SETD7: variants seen among roughly 807,000 people sequenced by gnomAD.
The protein encoded by SETD7 is SET domain containing 7, histone lysine methyltransferase.
A neutral mutation model predicts 41.8 loss-of-function variants in SETD7; 16 were observed. That is an observed-to-expected ratio of 0.38 (90% CI 0.26 to 0.58). The LOEUF (loss-of-function observed/expected upper bound fraction) is 0.58, where lower values mean the gene tolerates loss of function less well. SETD7 is among the 20% of genes least tolerant of loss of function. The probability of loss-of-function intolerance (pLI) is 0.64; values close to 1 mark genes in which losing one functional copy is unlikely to be tolerated. For missense variants in SETD7, 346 were observed against 459.7 expected (o/e 0.75, Z 2.26); for synonymous variants, 163 against 169.7 (o/e 0.96, Z 0.31).
At chr4:139,533,622 AG>A (rs1726096247) in intron 2 of SETD7, among the ~76,000 whole-genome samples, 1 of 152,206 alleles carries the variant, frequency 6.6e-6, no homozygotes, top group Non-Finnish European at 1.5e-5. Flanking sequence ...AAAATAGAGA[AG>A]AAAAAAGCTA....
At chr4:139,500,078 T>C (rs897756716) in intron 7 of SETD7, among the ~76,000 whole-genome samples, 1 of 152,264 alleles carries the variant, frequency 6.6e-6, no homozygotes, top group Non-Finnish European at 1.5e-5. Flanking sequence ...AATAAATGTA[T>C]GTGCTTTTTC....
downstream of SETD7, among the ~76,000 whole-genome samples, chr4:139,504,391 T>C (rs1726655191): frequency 6.6e-6 from 1 of 150,630 alleles, no homozygotes; most frequent in African/African-American, 2.5e-5. Context: ...TATCTGTCTA[T>C]CTATCTATCT....
rs772169687 is a variant in SETD7, at chr4:139,507,741, G to A, written c.*3922C>T. On this transcript the variant is annotated 3_prime_UTR_variant, in exon 8 of 8. Coordinates refer to ENST00000274031, the MANE Select transcript of SETD7 (RefSeq NM_030648.4). ...TTTTAAAATTAAAAAAAGTGACAAC[G>A]AGTTTCCAAATTCCTGAAGGGAAAG... 1.3e-5 allele frequency: 2 copies of A among 152,536 alleles called. No homozygotes were observed. Among genetic ancestry groups the A allele is most frequent in the African/African-American group, 4.8e-5 (2 of 41,422 alleles). 9.4% of individuals were successfully genotyped at this position (152,536 alleles called of 1,614,324 possible).
At chr4:139,504,458 G>GT (rs1302011534), downstream of SETD7, among the ~76,000 whole-genome samples, 1 of 151,402 alleles carries the variant, frequency 6.6e-6, no homozygotes, top group Non-Finnish European at 1.5e-5. Context: ...CCCCTTTTCT[G>GT]TTTTTCCTTT....
At chr4:139,493,644 A>T (rs1019317848), downstream of SETD7, among the ~76,000 whole-genome samples, 1 of 151,072 alleles carries the variant, frequency 6.6e-6, no homozygotes, top group African/African-American at 2.4e-5. Flanking sequence ...TGCTTAAGTG[A>T]TCCTCTCACC....
chr4:139,545,713 G>C (rs1308146651), intron 2 of SETD7, among the ~76,000 whole-genome samples: 2 of 152,150 alleles, frequency 1.3e-5, no homozygotes, highest in Non-Finnish European at 2.9e-5. Flanking sequence ...TTTGCCTGCA[G>C]AAAAGGGATT....
At chr4:139,529,241 C>A in intron 3 of SETD7, 21 bp from the exon 4 acceptor site, 1 of 1,588,332 alleles carries the variant, frequency 6.3e-7, no homozygotes, top group Middle Eastern at 1.7e-4. Flanking sequence ...AAACCAAAAA[C>A]CAGAAAATAT....
chr4:139,552,555 C>T (rs1222245915), intron 1 of SETD7, among the ~76,000 whole-genome samples: 1 of 152,158 alleles, frequency 6.6e-6, no homozygotes, highest in African/African-American at 2.4e-5. Context: ...CTAAAGAGCC[C>T]CCACGGCTTC....
chr4:139,524,182 C>A (rs953789585), intron 4 of SETD7, among the ~76,000 whole-genome samples: 1 of 152,206 alleles, frequency 6.6e-6, no homozygotes, highest in Non-Finnish European at 1.5e-5. Flanking sequence ...TTAAGCAATT[C>A]TTCAGTAGTT....
Position 139,509,783 on chromosome 4 carries a change from G to A in SETD7, c.*1880C>T. The stretch of plus-strand genomic sequence containing the variant: ...ACAGAGTAAGAGTGACCCTATCCTG[G>A]TGCCTTTAAATCTAAAAACTATTCA... On this transcript the variant is annotated 3_prime_UTR_variant, in exon 8 of 8. Transcript: ENST00000274031. The A allele has an allele frequency of 1.0e-6, 1 of 985,442 alleles. No homozygotes were observed. The highest frequency in any genetic ancestry group is 1.2e-6 in the Non-Finnish European group (1 of 829,960). 61.0% of individuals were successfully genotyped at this position (985,442 alleles called of 1,614,324 possible).
intron 2 of SETD7, 59 bp downstream of exon 2, chr4:139,546,861 G>T (rs1408195188): frequency 1.9e-6 from 3 of 1,607,428 alleles, no homozygotes; most frequent in East Asian, 4.5e-5. Context: ...GTTTGTATTA[G>T]TCCTTAACAT....
downstream of SETD7, among the ~76,000 whole-genome samples, chr4:139,502,429 G>A (rs1168315824): frequency 6.6e-6 from 1 of 152,226 alleles, no homozygotes; most frequent in African/African-American, 2.4e-5. Flanking sequence ...AAGACTTGAA[G>A]GGCACGAGGG....
chr4:139,503,433 T>C (rs1726627785), downstream of SETD7, among the ~76,000 whole-genome samples: 1 of 152,096 alleles, frequency 6.6e-6, no homozygotes, highest in African/African-American at 2.4e-5. Flanking sequence ...TCTGCCTCTA[T>C]GGCTTTCTAC....
At chr4:139,554,447 A>T (rs932623159) in intron 1 of SETD7, among the ~76,000 whole-genome samples, 6 of 152,242 alleles carry the variant, frequency 3.9e-5, no homozygotes, top group African/African-American at 1.4e-4. Flanking sequence ...TTACAAGTAA[A>T]AGTAAACGTT....
intron 7 of SETD7, among the ~76,000 whole-genome samples, chr4:139,513,190 G>A (rs1489281157): frequency 1.3e-5 from 2 of 151,662 alleles, no homozygotes; most frequent in Non-Finnish European, 1.5e-5. Context: ...GAGGCTGAGG[G>A]GGGTGGATCA....
intron 7 of SETD7, among the ~76,000 whole-genome samples, chr4:139,515,864 G>A (rs1236251994): frequency 6.6e-6 from 1 of 152,116 alleles, no homozygotes; most frequent in East Asian, 1.9e-4. Context: ...GATGACCGAG[G>A]GACTGCAAGC....
chr4:139,500,665 C>T (rs559747685), intron 7 of SETD7, among the ~76,000 whole-genome samples: 3 of 152,124 alleles, frequency 2.0e-5, no homozygotes, highest in South Asian at 4.1e-4. Context: ...TGCACCACCA[C>T]GCCCAGCTAA....
At chr4:139,526,215 T>C (rs1389334098) in intron 4 of SETD7, among the ~76,000 whole-genome samples, 1 of 151,802 alleles carries the variant, frequency 6.6e-6, no homozygotes, top group Non-Finnish European at 1.5e-5. Flanking sequence ...CACACCCAGC[T>C]AAAGCAACCA....
At chr4:139,544,797 A>AGTGTGTATGT (rs1553935548) in intron 2 of SETD7, among the ~76,000 whole-genome samples, 1 of 144,840 alleles carries the variant, frequency 6.9e-6, no homozygotes, top group Admixed American at 6.9e-5. Context: ...CCAGATTTAA[A>AGTGTGTATGT]GTGTGTGTGT....
Sources: gnomAD v4.1 joint callset for allele counts (sites outside exome capture counted in the v4.1 genomes callset) on GRCh38, gnomAD v4.1.1 for gene constraint, MANE v1.5 for transcripts, NCBI Gene and HGNC (gene_info 2026-07-23, HGNC 2026-07-21) for gene names.